The following OCA2 variants were observed in gnomAD, a reference collection of about 807,000 sequenced individuals.
OCA2 encodes the protein OCA2 melanosomal transmembrane protein, also known as P protein.
OCA2 carries 77 observed loss-of-function variants against 100.2 expected under a neutral mutation model. The ratio of observed to expected loss-of-function variants is 0.77; its 90% CI spans 0.64 to 0.93. The LOEUF (loss-of-function observed/expected upper bound fraction) is 0.93. OCA2 is among the 40% of genes least tolerant of loss of function. The pLI, the probability that OCA2 is intolerant of heterozygous loss-of-function variation, is 0.00. For missense variants in OCA2, 1,062 were observed against 1,089.1 expected, an observed-to-expected ratio of 0.98 and a Z score of 0.35; for synonymous variants, 432 against 439.2, an observed-to-expected ratio of 0.98 and a Z score of 0.21.
At chr15:27,774,022 T>C (rs764591596) in intron 23 of OCA2, among the ~76,000 whole-genome samples, 5 of 152,228 alleles carry the variant, frequency 3.3e-5, no homozygotes, top group Non-Finnish European at 7.3e-5. Flanking sequence ...ATAATCTGTT[T>C]CTATGGTTTT....
intron 23 of OCA2, among the ~76,000 whole-genome samples, chr15:27,762,206 G>A (rs557021502): frequency 6.6e-6 from 1 of 151,922 alleles, no homozygotes; most frequent in Non-Finnish European, 1.5e-5. Flanking sequence ...ATCTTTCTGA[G>A]TCTACAATGT....
rs1259082592 is a variant in OCA2, at chr15:28,081,575, G to A, written c.227+73C>T. 6.3e-6 allele frequency: 9 copies of A among 1,433,596 alleles called. No individual in the cohort carries two copies. In the East Asian group the frequency reaches 2.1e-4, roughly 34 times the overall value. 88.8% of individuals were successfully genotyped at this position (1,433,596 alleles called of 1,614,324 possible). A position where few individuals can be genotyped will look rare whatever the true frequency, so the allele number is the denominator to read the frequency against. On this transcript the variant is annotated intron_variant, in intron 2 of 23. Transcript: ENST00000354638. ...TGGAAATTTTTCCCACAACAAACGTGGGGGAACGATGCTCATGGAAACCCA... is the reference window on the plus strand; with the variant it reads ...TGGAAATTTTTCCCACAACAAACGTAGGGGAACGATGCTCATGGAAACCCA...
chr15:27,862,365 T>C (rs907729668), intron 21 of OCA2, among the ~76,000 whole-genome samples: 7 of 152,102 alleles, frequency 4.6e-5, no homozygotes, highest in African/African-American at 1.7e-4. Context: ...GGGGCAGTGC[T>C]GGAGGCCTGA....
chr15:28,038,367 A>G (rs140660333), intron 2 of OCA2, among the ~76,000 whole-genome samples: 2 of 152,222 alleles, frequency 1.3e-5, no homozygotes, highest in South Asian at 2.1e-4. Context: ...ACCCGTGTAC[A>G]GTCAGAGCCT....
chr15:28,050,271 C>T (rs1234062057), intron 2 of OCA2, among the ~76,000 whole-genome samples: 1 of 151,884 alleles, frequency 6.6e-6, no homozygotes, highest in African/African-American at 2.4e-5. Context: ...GGCAACAGAG[C>T]AAGACCTTGT....
rs79750623 is a variant in OCA2, at chr15:28,008,760, C to T, written c.1044+6016G>A. Among the ~76,000 whole-genome samples, 803 of 152,324 alleles carry T rather than the reference C, an allele frequency of 5.3e-3. 10 individuals are homozygous for T. The highest frequency in any genetic ancestry group is 0.019 in the African/African-American group (774 of 41,564). ...CAAAAAACAAACATTTCAAACAGAG[C>T]AGATGAGAAGGGATCAGGGAGGAGG... On this transcript the variant is annotated intron_variant, in intron 9 of 23. Transcript: ENST00000354638.
At chr15:28,090,468 A>C (rs937290315) in intron 1 of OCA2, among the ~76,000 whole-genome samples, 2 of 152,188 alleles carry the variant, frequency 1.3e-5, no homozygotes. Context: ...AACCTCAACA[A>C]ATTTAAAAGA....
chr15:27,737,681 G>A, the OCA2 span, among the ~76,000 whole-genome samples: 1 of 152,174 alleles, frequency 6.6e-6, no homozygotes, highest in Non-Finnish European at 1.5e-5. Flanking sequence ...TTTGGGAGGT[G>A]AGCAAATATT....
chr15:27,750,022 A>G (rs1292273943), downstream of OCA2, among the ~76,000 whole-genome samples: 1 of 152,232 alleles, frequency 6.6e-6, no homozygotes, highest in Non-Finnish European at 1.5e-5. Context: ...TTTAGCAAAG[A>G]CAATCTTGAC....
intron 21 of OCA2, among the ~76,000 whole-genome samples, chr15:27,857,187 ATATAAAT>A (rs2035977538): frequency 6.6e-6 from 1 of 152,240 alleles, no homozygotes; most frequent in South Asian, 2.1e-4. Flanking sequence ...CACTAAAGAG[ATATAAAT>A]TATAAAGAGG....
At chr15:28,098,281 G>A (rs187588110) in intron 1 of OCA2, among the ~76,000 whole-genome samples, 1 of 152,172 alleles carries the variant, frequency 6.6e-6, no homozygotes, top group Non-Finnish European at 1.5e-5. Flanking sequence ...CTGTGTTCAG[G>A]TTCAATCCTC....
intron 1 of OCA2, among the ~76,000 whole-genome samples, chr15:28,086,224 G>T (rs192800721): frequency 6.6e-6 from 1 of 152,312 alleles, no homozygotes; most frequent in Non-Finnish European, 1.5e-5. Context: ...GGTGTCAGAG[G>T]AGGCCAAATG....
intron 23 of OCA2, among the ~76,000 whole-genome samples, chr15:27,768,482 C>T (rs1428766863): frequency 2.0e-5 from 3 of 152,128 alleles, no homozygotes; most frequent in Non-Finnish European, 4.4e-5. Context: ...ATACAAAGAA[C>T]AATGTATAGC....
chr15:27,807,900 G>A (rs569072284), intron 23 of OCA2, among the ~76,000 whole-genome samples: 14 of 152,324 alleles, frequency 9.2e-5, no homozygotes, highest in Non-Finnish European at 1.8e-4. Flanking sequence ...AGGCTGAACC[G>A]TCAGCTCCAC....
chr15:27,868,786 T>C (rs1189475409), intron 21 of OCA2, among the ~76,000 whole-genome samples: 2 of 152,222 alleles, frequency 1.3e-5, no homozygotes, highest in Non-Finnish European at 2.9e-5. Flanking sequence ...AGTACCTTGA[T>C]TGTGGTGATA....
Position 28,085,573 on chromosome 15 carries a change from G to A in OCA2, c.-21-3678C>T, listed in dbSNP as rs115089690. 5.6e-3 allele frequency among the ~76,000 whole-genome samples: 855 copies of A among 152,264 alleles called. 5 individuals are homozygous for A. Among genetic ancestry groups the A allele is most frequent in the African/African-American group, 0.02 (813 of 41,550 alleles). ...AATGGCTGTGCTGGCAAAACTAGAA[G>A]CAATGAGAATAAAAGCCCAGCCTCT... On this transcript the variant is annotated intron_variant, in intron 1 of 23. Transcript: ENST00000354638.
intron 19 of OCA2, among the ~76,000 whole-genome samples, chr15:27,883,725 G>C (rs1356082664): frequency 6.6e-6 from 1 of 152,190 alleles, no homozygotes; most frequent in Non-Finnish European, 1.5e-5. Context: ...ATATATCTCA[G>C]AAGTCAGGTA....
At chr15:28,015,728 G>A (rs1038292108) in intron 8 of OCA2, among the ~76,000 whole-genome samples, 1 of 152,172 alleles carries the variant, frequency 6.6e-6, no homozygotes, top group African/African-American at 2.4e-5. Context: ...CTATGATACG[G>A]CAGCCTTAGC....
At chr15:27,731,353 A>G in the OCA2 span, among the ~76,000 whole-genome samples, 4 of 152,248 alleles carry the variant, frequency 2.6e-5, no homozygotes, top group African/African-American at 4.8e-5. Context: ...AATACTATTA[A>G]GCAAGAACAG....
Sources: allele counts gnomAD v4.1 joint callset (sites outside exome capture counted in the v4.1 genomes callset), GRCh38; gene constraint gnomAD v4.1.1; transcripts MANE v1.5; gene names NCBI Gene and HGNC (gene_info 2026-07-23, HGNC 2026-07-21).